Variants in COL11A1 observed in about 807,000 individuals in gnomAD.
COL11A1 encodes collagen alpha-1(XI) chain.
A neutral mutation model predicts 265.2 loss-of-function variants in COL11A1; 74 were observed. The observed-to-expected ratio is 0.28, with a 90% CI of 0.23 to 0.34. The LOEUF is 0.34. COL11A1 is among the 10% of genes least tolerant of loss of function. The probability of loss-of-function intolerance (pLI) is 1.00; values close to 1 mark genes in which losing one functional copy is unlikely to be tolerated. For missense variants in COL11A1, 2,165 were observed against 2,263.6 expected, an observed-to-expected ratio of 0.96 and a Z score of 0.88; for synonymous variants, 816 against 727.6, an observed-to-expected ratio of 1.12 and a Z score of -1.96.
intron 30 of COL11A1, 22 bp downstream of exon 30, chr1:102,987,611 G>A: frequency 3.2e-6 from 5 of 1,561,064 alleles, no homozygotes; most frequent in Non-Finnish European, 4.4e-6. Flanking sequence ...GAGTACCAGT[G>A]AATTTAAAGT....
At chr1:102,945,207 T>C (rs1162670526) in intron 42 of COL11A1, among the ~76,000 whole-genome samples, 1 of 151,608 alleles carries the variant, frequency 6.6e-6, no homozygotes, top group Non-Finnish European at 1.5e-5. Context: ...GTTATTGCAT[T>C]AGTGGGTTCA....
chr1:102,995,789 A>G, intron 28 of COL11A1, 75 bp downstream of exon 28: 2 of 1,252,314 alleles, frequency 1.6e-6, no homozygotes, highest in Non-Finnish European at 2.3e-6. Flanking sequence ...TTCAAGAAAT[A>G]AAATGTCTGT....
At chr1:102,928,559 A>G (rs541344271) in intron 46 of COL11A1, among the ~76,000 whole-genome samples, 13 of 152,186 alleles carry the variant, frequency 8.5e-5, no homozygotes, top group Non-Finnish European at 1.8e-4. Context: ...TACAATAAAC[A>G]TACGTGTGCA....
At position 102,876,932 on chromosome 1, in the gene COL11A1, T is replaced by C. The variant is rs1052797989; in HGVS notation, c.*1087A>G. 6.6e-6 allele frequency: 1 copy of C among 152,444 alleles called. No homozygotes were observed. The highest frequency in any genetic ancestry group is 1.5e-5 in the Non-Finnish European group (1 of 67,968). 9.4% of individuals were successfully genotyped at this position (152,444 alleles called of 1,614,324 possible). ...CTTGAAAGGAAAAAAGTAATATTTG[T>C]TGGGCAAGTAAAATAATTTTCGAGA... On this transcript the variant is annotated 3_prime_UTR_variant, in exon 67 of 67. Transcript: ENST00000370096.
At chr1:103,034,599 T>C (rs972669095) in intron 4 of COL11A1, among the ~76,000 whole-genome samples, 7 of 151,926 alleles carry the variant, frequency 4.6e-5, no homozygotes, top group Admixed American at 3.3e-4. Flanking sequence ...ATACTTGCTG[T>C]TAGTTATTTA....
intron 37 of COL11A1, among the ~76,000 whole-genome samples, chr1:102,967,386 A>G (rs6662599): frequency 0.94 from 142,527 of 151,284 alleles, 67,286 homozygotes; most frequent in East Asian, 1. Flanking sequence ...GACTACAGGC[A>G]CCCGCCACCA....
At chr1:102,965,319 T>G (rs924698480) in intron 38 of COL11A1, among the ~76,000 whole-genome samples, 168 bp downstream of exon 38, 5 of 152,220 alleles carry the variant, frequency 3.3e-5, no homozygotes, top group Non-Finnish European at 7.3e-5. Context: ...GGTAATAGTT[T>G]GTTGGTTTCA....
intron 1 of COL11A1, among the ~76,000 whole-genome samples, chr1:103,104,495 C>A (rs1210672380): frequency 6.6e-6 from 1 of 152,136 alleles, no homozygotes; most frequent in Non-Finnish European, 1.5e-5. Context: ...TCTCACTTTG[C>A]TACTGCATAA....
intron 29 of COL11A1, among the ~76,000 whole-genome samples, chr1:102,988,848 A>C (rs1663835728): frequency 6.6e-6 from 1 of 152,130 alleles, no homozygotes; most frequent in African/African-American, 2.4e-5. Flanking sequence ...TTTAACGTTT[A>C]AGAACTTGTA....
intron 4 of COL11A1, among the ~76,000 whole-genome samples, chr1:103,056,669 A>G (rs1670274909): frequency 2.0e-5 from 3 of 152,194 alleles, no homozygotes. Context: ...ATTTCATCAT[A>G]GTTTAACCTA....
chr1:102,898,615 A>T (rs781714936), intron 56 of COL11A1, 51 bp downstream of exon 56: 22 of 1,509,102 alleles, frequency 1.5e-5, no homozygotes, highest in African/African-American at 5.5e-5. Flanking sequence ...AAATTTTTTT[A>T]AAATAAAAAT....
At chr1:103,008,809 A>G (rs542787244) in intron 14 of COL11A1, among the ~76,000 whole-genome samples, 1 of 152,316 alleles carries the variant, frequency 6.6e-6, no homozygotes, top group East Asian at 1.9e-4. Flanking sequence ...GTGCACTATC[A>G]GAACTCATAT....
chr1:102,993,889 A>G (rs1664367688), intron 28 of COL11A1, among the ~76,000 whole-genome samples: 1 of 152,108 alleles, frequency 6.6e-6, no homozygotes, highest in African/African-American at 2.4e-5. Context: ...TCTTTGATCT[A>G]TGGTTTATTG....
intron 36 of COL11A1, among the ~76,000 whole-genome samples, chr1:102,970,527 A>C (rs1375370776): frequency 6.6e-6 from 1 of 152,198 alleles, no homozygotes; most frequent in Non-Finnish European, 1.5e-5. Flanking sequence ...CATTTGCATC[A>C]ATCATTTGTA....
At chr1:102,977,613 T>C (rs113733841) in intron 35 of COL11A1, among the ~76,000 whole-genome samples, 1,699 of 152,262 alleles carry the variant, frequency 0.011, 11 homozygotes, top group Non-Finnish European at 0.017. Context: ...GTGCTAATTT[T>C]TGTTAAATTG....
chr1:102,972,374 A>T (rs1187997239), intron 36 of COL11A1, among the ~76,000 whole-genome samples: 1 of 152,176 alleles, frequency 6.6e-6, no homozygotes, highest in East Asian at 1.9e-4. Context: ...TAATACTTTA[A>T]AATAGCGATC....
chr1:102,974,384 T>C (rs150673416), intron 36 of COL11A1, among the ~76,000 whole-genome samples: 58 of 152,254 alleles, frequency 3.8e-4, no homozygotes, highest in African/African-American at 1.3e-3. Context: ...TAGAGACAGA[T>C]ATAATATTAA....
At chr1:102,883,095 G>T in intron 64 of COL11A1, 104 bp downstream of exon 64, 1 of 794,928 alleles carries the variant, frequency 1.3e-6, no homozygotes, top group Non-Finnish European at 2.2e-6. Flanking sequence ...TGTAAGAAAA[G>T]CAGATAAATG....
chr1:103,027,252 T>C (rs1667591100), intron 5 of COL11A1, among the ~76,000 whole-genome samples: 1 of 150,362 alleles, frequency 6.7e-6, no homozygotes, highest in Non-Finnish European at 1.5e-5. Flanking sequence ...AATCCAAAGC[T>C]CAATATCTTT....
Sources: allele counts gnomAD v4.1 joint callset (sites outside exome capture counted in the v4.1 genomes callset), GRCh38; gene constraint gnomAD v4.1.1; transcripts MANE v1.5; gene names NCBI Gene and HGNC (gene_info 2026-07-23, HGNC 2026-07-21).